Variants in EFCAB8 observed in about 807,000 individuals in gnomAD.
EFCAB8 encodes EF-hand calcium binding domain 8.
Under a neutral mutation model 116.3 loss-of-function variants are expected in EFCAB8, and 100 were observed. The ratio of observed to expected loss-of-function variants is 0.86; its 90% CI spans 0.73 to 1.02. The LOEUF is 1.02. Among genes scored for constraint, EFCAB8 ranks in the 50% least tolerant of loss-of-function variants. The pLI, the probability that EFCAB8 is intolerant of heterozygous loss-of-function variation, is 0.00. For synonymous variants in EFCAB8, 558 were observed against 567.9 expected (o/e 0.98, Z 0.25); for missense variants, 1,320 against 1,416.9 (o/e 0.93, Z 1.10).
In EFCAB8 at chr20:32,873,810, C is replaced by CA. The variant is rs397865341; in HGVS notation, c.209-2102dup. On this transcript the variant is annotated intron_variant, in intron 3 of 26. Transcript: ENST00000400522. ...CTGGGCAACAGAGCGAGACTCTGTC[C>CA]AAAAAAAAAAAAAATGCAGTTCACC... Among the ~76,000 whole-genome samples, 420 of 138,662 alleles carry CA rather than the reference C, an allele frequency of 3.0e-3. 6 individuals carry two copies. The highest frequency in any genetic ancestry group is 5.8e-3 in the African/African-American group (207 of 35,882). The allele number at this position is 138,662 out of a possible 152,430, so 91.0% of individuals were successfully genotyped here.
chr20:32,943,190 C>T (rs961934120), intron 22 of EFCAB8, among the ~76,000 whole-genome samples: 15 of 152,192 alleles, frequency 9.9e-5, no homozygotes. Context: ...CTTGCCCTGG[C>T]CCCATCACTT....
chr20:32,911,658 A>G lies in EFCAB8; in HGVS notation c.1736A>G (p.Tyr579Cys), dbSNP rs748057515. The G allele has an allele frequency of 8.4e-6, 13 of 1,551,652 alleles. No individual in the cohort carries two copies. The South Asian group carries it at 1.4e-4, about 17-fold the overall frequency. ...GATGGCACAATGAAGATGTGGAACTACAACATTGGCAAATGCCTGTTGACC... is the reference window on the plus strand; with the variant it reads ...GATGGCACAATGAAGATGTGGAACTGCAACATTGGCAAATGCCTGTTGACC... ...LRDGTMKMWN[Y>C]NIGKCLLTFP... The change falls in exon 16 of 27, where the codon TAC (tyrosine) becomes TGC (cysteine). Residue 579 changes from tyrosine (Y) to cysteine (C), a missense_variant. Physicochemically the swap from Tyr to Cys is radical, Grantham distance 194 (BLOSUM62 -2). Coordinates refer to ENST00000400522, the MANE Select transcript of EFCAB8 (RefSeq NM_001143967.2).
At chr20:32,891,905 T>C (rs1985937081) in intron 7 of EFCAB8, among the ~76,000 whole-genome samples, 1 of 151,926 alleles carries the variant, frequency 6.6e-6, no homozygotes, top group Non-Finnish European at 1.5e-5. Flanking sequence ...CACTGCTCAC[T>C]GCAGTCTCAA....
rs1989043298 is a variant in EFCAB8, at chr20:32,958,531, G to T, written c.3070G>T (p.Val1024Phe). 4.8e-6 allele frequency: 2 copies of T among 416,392 alleles called. No homozygotes were observed. Among genetic ancestry groups the T allele is most frequent in the Non-Finnish European group, 8.8e-6 (2 of 226,360 alleles). 25.8% of individuals were successfully genotyped at this position (416,392 alleles called of 1,614,324 possible). Residue 1024 changes from valine (V) to phenylalanine (F), a missense_variant, in exon 24 of 27, where the codon GTC becomes TTC. Physicochemically the swap from Val to Phe is conservative, Grantham distance 50 (BLOSUM62 -1). Coordinates refer to ENST00000400522, the MANE Select transcript of EFCAB8 (RefSeq NM_001143967.2). ...TGACTCCACTGGCACCACCCAGAAG[G>T]TCTTACATCTGGAGCTGCAGTGAGT... ...DGDSTGTTQKVLHLELQEQRD... is the reference protein window; with the variant it reads ...DGDSTGTTQKFLHLELQEQRD...
chr20:32,939,150 T>C lies in EFCAB8; in HGVS notation c.2791-4486T>C, dbSNP rs1453117504. Reference sequence around the variant, plus strand: ...CTCTTTCTTTCTTTCTTTCTTTCTTTCTTTCTTTCTTTCTTTCTTTCTTTC... The same window carrying C: ...CTCTTTCTTTCTTTCTTTCTTTCTTCCTTTCTTTCTTTCTTTCTTTCTTTC... On this transcript the variant is annotated intron_variant, in intron 22 of 26. Coordinates refer to ENST00000400522, the MANE Select transcript of EFCAB8 (RefSeq NM_001143967.2). 6.0e-5 allele frequency among the ~76,000 whole-genome samples: 4 copies of C among 67,042 alleles called. 1 individual carries two copies. The highest frequency in any genetic ancestry group is 1.3e-4 in the Non-Finnish European group (4 of 31,426). 44.0% of individuals were successfully genotyped at this position (67,042 alleles called of 152,430 possible).
intron 5 of EFCAB8, 136 bp downstream of exon 5, chr20:32,878,943 T>G: frequency 2.9e-6 from 2 of 701,036 alleles, no homozygotes; most frequent in Non-Finnish European, 4.9e-6. Context: ...CTGCCTGATG[T>G]CCTTTGGCTC....
intron 4 of EFCAB8, among the ~76,000 whole-genome samples, chr20:32,876,349 G>C (rs939362289): frequency 6.6e-6 from 1 of 152,200 alleles, no homozygotes; most frequent in African/African-American, 2.4e-5. Flanking sequence ...CATTTGGCTT[G>C]GGGGATTCAA....
chr20:32,949,433 G>C (rs1300209715), intron 23 of EFCAB8, among the ~76,000 whole-genome samples: 3 of 152,106 alleles, frequency 2.0e-5, no homozygotes, highest in African/African-American at 7.2e-5. Flanking sequence ...AATTTATTTA[G>C]GCCAGTCAAA....
Position 32,911,725 on chromosome 20 carries a change from A to G in EFCAB8, c.1785+18A>G, listed in dbSNP as rs1986933761. 1.9e-6 allele frequency: 3 copies of G among 1,551,060 alleles called. No homozygotes were observed. The highest frequency in any genetic ancestry group is 1.4e-5 in the African/African-American group (1 of 73,144). ...AGCTGGAGGTCAGTCTTGCTTGTCA[A>G]TTACAGCCAGGGACGGCCTCTTGGG... On this transcript the variant is annotated intron_variant, in intron 16 of 26. Transcript: ENST00000400522.
At chr20:32,876,353 G>C (rs1284698805) in intron 4 of EFCAB8, among the ~76,000 whole-genome samples, 1 of 152,220 alleles carries the variant, frequency 6.6e-6, no homozygotes, top group Non-Finnish European at 1.5e-5. Context: ...TGGCTTGGGG[G>C]ATTCAAGCTG....
intron 17 of EFCAB8, among the ~76,000 whole-genome samples, chr20:32,915,181 C>A (rs1987128772): frequency 6.6e-6 from 1 of 152,216 alleles, no homozygotes; most frequent in Non-Finnish European, 1.5e-5. Flanking sequence ...GGGTTACAGG[C>A]ATGTACCACT....
chr20:32,938,285 TA>T (rs1283914020), intron 22 of EFCAB8, among the ~76,000 whole-genome samples: 1 of 149,876 alleles, frequency 6.7e-6, no homozygotes, highest in Admixed American at 6.6e-5. Flanking sequence ...AAACACCCAA[TA>T]AACTAGAAAT....
At chr20:32,920,298 C>T in intron 20 of EFCAB8, 83 bp downstream of exon 20, 1 of 1,500,074 alleles carries the variant, frequency 6.7e-7, no homozygotes, top group South Asian at 1.3e-5. Context: ...GGCTCGGGGG[C>T]CTGGGCTCGG....
intron 22 of EFCAB8, among the ~76,000 whole-genome samples, chr20:32,936,362 G>A (rs1988119852): frequency 6.6e-6 from 1 of 152,078 alleles, no homozygotes; most frequent in African/African-American, 2.4e-5. Flanking sequence ...CTGTGCTTTT[G>A]GGGTCATAGC....
intron 20 of EFCAB8, among the ~76,000 whole-genome samples, chr20:32,930,175 G>A (rs1038198623): frequency 1.3e-5 from 2 of 152,210 alleles, no homozygotes; most frequent in African/African-American, 2.4e-5. Flanking sequence ...GGACAAAGTA[G>A]TGAACAAAAA....
chr20:32,907,236 C>A, intron 13 of EFCAB8: 1 of 442,998 alleles, frequency 2.3e-6, no homozygotes, highest in Non-Finnish European at 3.0e-6. Context: ...CTTTTCTGAG[C>A]CTCAGTCCTC....
intron 11 of EFCAB8, among the ~76,000 whole-genome samples, chr20:32,906,267 G>A (rs1181854415): frequency 1.3e-5 from 2 of 152,170 alleles, no homozygotes; most frequent in Admixed American, 1.3e-4. Context: ...GTCAGGAGTC[G>A]CTCCTGCCTG....
chr20:32,942,873 T>C (rs1988449049), intron 22 of EFCAB8, among the ~76,000 whole-genome samples: 1 of 152,208 alleles, frequency 6.6e-6, no homozygotes, highest in Admixed American at 6.5e-5. Flanking sequence ...CTACTGTTTA[T>C]TGAGTCATGT....
chr20:32,863,886 C>T (rs1468820825), intron 2 of EFCAB8, 52 bp downstream of exon 2: 3 of 1,541,988 alleles, frequency 1.9e-6, no homozygotes, highest in African/African-American at 1.4e-5. Flanking sequence ...TCCAGAGTCA[C>T]CCAAAACCTC....
Sources: gnomAD v4.1 joint callset for allele counts (sites outside exome capture counted in the v4.1 genomes callset) on GRCh38, gnomAD v4.1.1 for gene constraint, MANE v1.5 for transcripts, NCBI Gene and HGNC (gene_info 2026-07-23, HGNC 2026-07-21) for gene names.